Variants in NCK1 observed in about 807,000 individuals in gnomAD.
NCK1 encodes NCK adaptor protein 1.
NCK1 carries 19 observed loss-of-function variants against 36.6 expected under a neutral mutation model. That is an observed-to-expected ratio of 0.52 (90% CI 0.36 to 0.76). The LOEUF (loss-of-function observed/expected upper bound fraction) is 0.76, where lower values mean the gene tolerates loss of function less well. Ranked by LOEUF, NCK1 falls within the 30% of genes least tolerant of loss-of-function variation. The pLI, the probability that NCK1 is intolerant of heterozygous loss-of-function variation, is 0.00. For missense variants in NCK1, 358 were observed against 445.6 expected (o/e 0.80, Z 1.77); for synonymous variants, 165 against 156.0 (o/e 1.06, Z -0.43).
chr3:136,892,272 T>C (rs1007110945), intron 1 of NCK1, among the ~76,000 whole-genome samples: 1 of 152,212 alleles, frequency 6.6e-6, no homozygotes, highest in Non-Finnish European at 1.5e-5. Flanking sequence ...TCAGATGTGA[T>C]TTCCAAATAT....
At chr3:136,867,848 G>A (rs1938494723) in intron 1 of NCK1, among the ~76,000 whole-genome samples, 1 of 152,028 alleles carries the variant, frequency 6.6e-6, no homozygotes, top group East Asian at 1.9e-4. Flanking sequence ...ACATTATTTT[G>A]CATTTTGTGT....
intron 1 of NCK1, among the ~76,000 whole-genome samples, chr3:136,910,857 T>C (rs1382440434): frequency 6.6e-6 from 1 of 152,216 alleles, no homozygotes; most frequent in African/African-American, 2.4e-5. Flanking sequence ...CACTGTGCTG[T>C]GCAATAGGCC....
chr3:136,936,471 T>C (rs6771717), intron 2 of NCK1, among the ~76,000 whole-genome samples: 103,208 of 152,160 alleles, frequency 0.68, 35,344 homozygotes, highest in East Asian at 0.87. Flanking sequence ...TGTACAGTTA[T>C]TGTTTGAATA....
chr3:136,888,769 A>G (rs1939145163), intron 1 of NCK1, among the ~76,000 whole-genome samples: 1 of 152,078 alleles, frequency 6.6e-6, no homozygotes, highest in African/African-American at 2.4e-5. Flanking sequence ...CTGTCTCTAT[A>G]CATTTGCTCA....
intron 1 of NCK1, among the ~76,000 whole-genome samples, chr3:136,912,290 G>A (rs1249733340): frequency 2.0e-5 from 3 of 150,424 alleles, no homozygotes; most frequent in African/African-American, 4.9e-5. Context: ...AGCCTCCCAC[G>A]TAGCTGGAAC....
chr3:136,925,378 T>G (rs968170723), intron 1 of NCK1, among the ~76,000 whole-genome samples: 40 of 152,356 alleles, frequency 2.6e-4, no homozygotes, highest in Non-Finnish European at 4.6e-4. Context: ...CATGCAATTC[T>G]GAGAAACTTT....
intron 1 of NCK1, among the ~76,000 whole-genome samples, chr3:136,918,976 A>G (rs1940036330): frequency 6.6e-6 from 1 of 152,198 alleles, no homozygotes; most frequent in Admixed American, 6.5e-5. Flanking sequence ...AAATTTATAA[A>G]GTTCTCATTA....
At chr3:136,893,198 A>ACACACACACACACACACACACCATATTT (rs1347213828) in intron 1 of NCK1, among the ~76,000 whole-genome samples, 5 of 132,260 alleles carry the variant, frequency 3.8e-5, no homozygotes, top group Admixed American at 7.8e-5. Flanking sequence ...ATATACACAC[A>ACACACACACACACACACACACCATATTT]TGTGCAAGTA....
At chr3:136,938,891 A>G (rs1453353427) in intron 2 of NCK1, among the ~76,000 whole-genome samples, 5 of 152,194 alleles carry the variant, frequency 3.3e-5, no homozygotes, top group African/African-American at 1.2e-4. Flanking sequence ...AACAATGAAA[A>G]TCAACTGAAT....
chr3:136,881,999 T>TA (rs2108078583), intron 1 of NCK1, among the ~76,000 whole-genome samples: 1 of 152,334 alleles, frequency 6.6e-6, no homozygotes, highest in African/African-American at 2.4e-5. Flanking sequence ...GGTGTAGAAA[T>TA]ATCTGTTCAG....
chr3:136,925,740 G>A (rs1214445459), intron 1 of NCK1, among the ~76,000 whole-genome samples: 1 of 152,264 alleles, frequency 6.6e-6, no homozygotes, highest in East Asian at 1.9e-4. Flanking sequence ...TTATTTGCCT[G>A]TTGAAGGACA....
chr3:136,898,042 G>C (rs553551171), intron 1 of NCK1, among the ~76,000 whole-genome samples: 95 of 152,204 alleles, frequency 6.2e-4, no homozygotes, highest in African/African-American at 2.1e-3. Context: ...ATATTTACAA[G>C]AAAAAGGCTA....
intron 1 of NCK1, among the ~76,000 whole-genome samples, chr3:136,905,385 T>G (rs1163299687): frequency 6.6e-6 from 1 of 152,128 alleles, no homozygotes; most frequent in Non-Finnish European, 1.5e-5. Flanking sequence ...TCCTGAATTG[T>G]TTTTCTGAAT....
intron 1 of NCK1, among the ~76,000 whole-genome samples, chr3:136,874,256 A>G (rs1938705117): frequency 6.6e-6 from 1 of 152,174 alleles, no homozygotes; most frequent in Non-Finnish European, 1.5e-5. Flanking sequence ...GCTCACTGCA[A>G]CTTCTGCCTC....
intron 1 of NCK1, among the ~76,000 whole-genome samples, chr3:136,871,046 T>C (rs1938602268): frequency 6.6e-6 from 1 of 152,202 alleles, no homozygotes; most frequent in Non-Finnish European, 1.5e-5. Context: ...ACATTTTTTT[T>C]CCTTTTGATT....
intron 1 of NCK1, among the ~76,000 whole-genome samples, chr3:136,901,028 G>T (rs1006435467): frequency 6.6e-5 from 10 of 152,144 alleles, no homozygotes; most frequent in Non-Finnish European, 1.0e-4. Context: ...TCCCCATTCA[G>T]TATGATGTTA....
chr3:136,898,152 T>C (rs1560039996), intron 1 of NCK1, among the ~76,000 whole-genome samples: 1 of 152,122 alleles, frequency 6.6e-6, no homozygotes, highest in Non-Finnish European at 1.5e-5. Context: ...TCCCAGCACT[T>C]TGGGAGGCCA....
At chr3:136,880,968 A>C (rs953158133) in intron 1 of NCK1, among the ~76,000 whole-genome samples, 5 of 151,932 alleles carry the variant, frequency 3.3e-5, no homozygotes, top group African/African-American at 9.7e-5. Flanking sequence ...TCTGCGCTCT[A>C]CCCTACATTT....
At chr3:136,874,895 C>G (rs1386789138) in intron 1 of NCK1, among the ~76,000 whole-genome samples, 4 of 152,130 alleles carry the variant, frequency 2.6e-5, no homozygotes, top group Non-Finnish European at 5.9e-5. Flanking sequence ...GGCCTTGCTG[C>G]ATTGTTTTCT....
Sources: gnomAD v4.1 joint callset for allele counts (sites outside exome capture counted in the v4.1 genomes callset) on GRCh38, gnomAD v4.1.1 for gene constraint, MANE v1.5 for transcripts, NCBI Gene and HGNC (gene_info 2026-07-23, HGNC 2026-07-21) for gene names.